The following PLCB1 variants were observed in gnomAD, a reference collection of about 807,000 sequenced individuals.
PLCB1 encodes the protein 1-phosphatidylinositol 4,5-bisphosphate phosphodiesterase beta-1.
In PLCB1, 46 loss-of-function variants were observed where a neutral mutation model predicts 161.8. The observed-to-expected ratio is 0.28, with a 90% CI of 0.22 to 0.36. PLCB1 has a LOEUF of 0.36. PLCB1 is among the 10% of genes least tolerant of loss of function. The pLI is 1.00. For missense variants in PLCB1, 1,016 were observed against 1,472.5 expected (o/e 0.69, Z 5.07); for synonymous variants, 517 against 503.7 (o/e 1.03, Z -0.35).
At chr20:8,831,966 CTT>C (rs1986029608) in intron 31 of PLCB1, among the ~76,000 whole-genome samples, 1 of 92,516 alleles carries the variant, frequency 1.1e-5, no homozygotes, top group South Asian at 3.9e-4. Context: ...TTCTTTCTTT[CTT>C]TCTTTCTTTC....
chr20:8,686,778 T>C (rs1186675141), intron 10 of PLCB1, among the ~76,000 whole-genome samples: 1 of 152,138 alleles, frequency 6.6e-6, no homozygotes, highest in Non-Finnish European at 1.5e-5. Context: ...TTTGAAAGTG[T>C]TCTGGCACAT....
At chr20:8,695,716 A>T (rs571017461) in intron 10 of PLCB1, among the ~76,000 whole-genome samples, 1 of 152,286 alleles carries the variant, frequency 6.6e-6, no homozygotes, top group Non-Finnish European at 1.5e-5. Context: ...AAAAACTTTT[A>T]AAAAAATGAT....
At chr20:8,348,593 G>A (rs1310075649) in intron 2 of PLCB1, among the ~76,000 whole-genome samples, 1 of 152,188 alleles carries the variant, frequency 6.6e-6, no homozygotes, top group African/African-American at 2.4e-5. Flanking sequence ...GAGAGAAAAA[G>A]CTGAGACCCA....
At chr20:8,834,486 A>C (rs1439791621) in intron 31 of PLCB1, among the ~76,000 whole-genome samples, 1 of 152,098 alleles carries the variant, frequency 6.6e-6, no homozygotes, top group Non-Finnish European at 1.5e-5. Flanking sequence ...CAAGTCCAAA[A>C]TCTGCAGAGC....
At chr20:8,269,148 A>G (rs1243456629) in intron 2 of PLCB1, among the ~76,000 whole-genome samples, 1 of 152,062 alleles carries the variant, frequency 6.6e-6, no homozygotes, top group Non-Finnish European at 1.5e-5. Context: ...GGTTTGTTAC[A>G]TAGGTATACA....
intron 3 of PLCB1, among the ~76,000 whole-genome samples, chr20:8,551,709 C>T: frequency 6.6e-6 from 1 of 152,142 alleles, no homozygotes; most frequent in Non-Finnish European, 1.5e-5. Context: ...TGGTGAAGTC[C>T]TGGTTCCCAC....
At chr20:8,544,051 A>C (rs2122968291) in intron 3 of PLCB1, among the ~76,000 whole-genome samples, 1 of 152,228 alleles carries the variant, frequency 6.6e-6, no homozygotes, top group East Asian at 1.9e-4. Flanking sequence ...AAGCAGGATC[A>C]CCTCCTTATG....
chr20:8,682,087 T>G (rs1990236036), intron 9 of PLCB1, among the ~76,000 whole-genome samples: 1 of 152,198 alleles, frequency 6.6e-6, no homozygotes. Flanking sequence ...TTTATTTTTC[T>G]GTGCATTTAT....
intron 3 of PLCB1, among the ~76,000 whole-genome samples, chr20:8,469,487 TTTGA>T (rs1981959850): frequency 1.3e-5 from 2 of 152,270 alleles, no homozygotes; most frequent in South Asian, 4.1e-4. Flanking sequence ...TATTTAGGTC[TTTGA>T]TTGATGTGAA....
At chr20:8,856,397 C>T (rs1028328861) in intron 31 of PLCB1, among the ~76,000 whole-genome samples, 2 of 152,104 alleles carry the variant, frequency 1.3e-5, no homozygotes, top group Admixed American at 1.3e-4. Flanking sequence ...TGGTGAATCA[C>T]TTGAGGCCAG....
Position 8,739,442 on chromosome 20 carries a change from TAAG to T in PLCB1, c.2308+85_2308+87del, listed in dbSNP as rs1398314100. Reference sequence around the variant, plus strand: ...CTTAAAATATTACTAGAAAATGACTTAAGAAACTATTTTCTGCTTTGTAATTTT... The same window carrying T: ...CTTAAAATATTACTAGAAAATGACTTAAACTATTTTCTGCTTTGTAATTTT... On this transcript the variant is annotated intron_variant, in intron 21 of 31. Coordinates refer to ENST00000338037, the MANE Select transcript of PLCB1 (RefSeq NM_015192.4). 30 of 850,132 alleles carry T rather than the reference TAAG, an allele frequency of 3.5e-5. 1 individual carries two copies. The highest frequency in any genetic ancestry group is 3.4e-4 in the South Asian group (24 of 70,256). The allele number at this position is 850,132 out of a possible 1,614,324, so 52.7% of individuals were successfully genotyped here.
chr20:8,470,340 A>T (rs532054114), intron 3 of PLCB1, among the ~76,000 whole-genome samples: 1 of 152,286 alleles, frequency 6.6e-6, no homozygotes, highest in South Asian at 2.1e-4. Flanking sequence ...AGGAACTGAC[A>T]GTTTTCCTAA....
At chr20:8,307,433 TA>T (rs1440005731) in intron 2 of PLCB1, among the ~76,000 whole-genome samples, 1 of 152,228 alleles carries the variant, frequency 6.6e-6, no homozygotes, top group Non-Finnish European at 1.5e-5. Flanking sequence ...TCAATTGGAA[TA>T]ATCTGTCGAC....
intron 2 of PLCB1, among the ~76,000 whole-genome samples, chr20:8,235,085 G>A (rs1474902231): frequency 6.6e-6 from 1 of 152,040 alleles, no homozygotes; most frequent in Non-Finnish European, 1.5e-5. Context: ...TTCCTTCTGG[G>A]TTAAACTGTT....
intron 31 of PLCB1, among the ~76,000 whole-genome samples, chr20:8,865,659 G>A (rs899338749): frequency 6.6e-6 from 1 of 152,088 alleles, no homozygotes; most frequent in Non-Finnish European, 1.5e-5. Context: ...TCATAATGTG[G>A]CTCCATCATC....
chr20:8,649,195 C>T (rs1318912032), intron 6 of PLCB1, among the ~76,000 whole-genome samples, 179 bp from the exon 7 acceptor site: 4 of 152,086 alleles, frequency 2.6e-5, no homozygotes, highest in South Asian at 2.1e-4. Context: ...TTTAAAAGCA[C>T]GCAGTTGATC....
At chr20:8,179,846 C>CTTTTTTTTTTTTT (rs35174594) in intron 2 of PLCB1, among the ~76,000 whole-genome samples, 1 of 71,402 alleles carries the variant, frequency 1.4e-5, no homozygotes, top group African/African-American at 5.4e-5. Flanking sequence ...TTGTTGAGGG[C>CTTTTTTTTTTTTT]TTTTTTTTTT....
At chr20:8,352,024 C>T (rs1288984611) in intron 2 of PLCB1, among the ~76,000 whole-genome samples, 2 of 152,014 alleles carry the variant, frequency 1.3e-5, no homozygotes, top group Non-Finnish European at 2.9e-5. Context: ...TTATGTCCCA[C>T]AAAAACCTGC....
rs570940630 is a variant in PLCB1, at chr20:8,850,451, T to C, written c.3424-31171T>C. The stretch of plus-strand genomic sequence containing the variant: ...TTAGGAAAAGATAAAAGGCTAAACT[T>C]CCCAAGGCAGTTGACTGGTGATTTT... On this transcript the variant is annotated intron_variant, in intron 31 of 31. Coordinates refer to ENST00000338037, the MANE Select transcript of PLCB1 (RefSeq NM_015192.4). Among the ~76,000 whole-genome samples the C allele has an allele frequency of 3.8e-3, 579 of 152,204 alleles. 6 individuals are homozygous for C. The highest frequency in any genetic ancestry group is 0.013 in the African/African-American group (555 of 41,536).
Sources: allele counts gnomAD v4.1 joint callset (sites outside exome capture counted in the v4.1 genomes callset), GRCh38; gene constraint gnomAD v4.1.1; transcripts MANE v1.5; gene names NCBI Gene and HGNC (gene_info 2026-07-23, HGNC 2026-07-21).